PRTN3: variants seen among roughly 807,000 people sequenced by gnomAD.
The protein encoded by PRTN3 is myeloblastin.
A neutral mutation model predicts 20.7 loss-of-function variants in PRTN3; 22 were observed. The observed-to-expected ratio is 1.06, with a 90% CI of 0.76 to 1.52. The LOEUF is 1.52. Among genes scored for constraint, PRTN3 ranks in the 40% most tolerant of loss-of-function variants. The pLI is 0.00. For missense variants in PRTN3, 378 were observed against 359.6 expected (o/e 1.05, Z -0.41); for synonymous variants, 173 against 152.9 (o/e 1.13, Z -0.97).
At chr19:847,762 G>A in intron 4 of PRTN3, 37 bp from the exon 5 acceptor site, 5 of 1,577,300 alleles carry the variant, frequency 3.2e-6, no homozygotes, top group Non-Finnish European at 4.3e-6. Flanking sequence ...AGACTCAGGT[G>A]GCCCCTGATG....
intron 4 of PRTN3, among the ~76,000 whole-genome samples, chr19:846,769 G>T (rs910112557): frequency 6.6e-6 from 1 of 151,954 alleles, no homozygotes; most frequent in African/African-American, 2.4e-5. Context: ...TTGAGACGGA[G>T]TGTCGCTCTG....
intron 1 of PRTN3, among the ~76,000 whole-genome samples, chr19:842,182 C>T (rs1394714696): frequency 7.2e-5 from 11 of 151,764 alleles, no homozygotes; most frequent in Non-Finnish European, 1.3e-4. Context: ...CACACCACCA[C>T]ACCTGGCTAG....
At position 846,336 on chromosome 19, in the gene PRTN3, A is replaced by C; in HGVS notation, c.559A>C (p.Ile187Leu). The part of the protein sequence containing the change: ...VVTFFCRPHN[I>L]CTFVPRRKAG... ...CACCTTCTTCTGCCGGCCACATAACATTTGCACTTTCGTCCCTCGCCGCAA... is the reference window on the plus strand; with the variant it reads ...CACCTTCTTCTGCCGGCCACATAACCTTTGCACTTTCGTCCCTCGCCGCAA... The change falls in exon 4 of 5, where the codon ATT (isoleucine) becomes CTT (leucine). Residue 187 changes from isoleucine (I) to leucine (L), a missense_variant. By Grantham distance (5) the Ile-to-Leu change is conservative. Coordinates refer to ENST00000234347, the MANE Select transcript of PRTN3 (RefSeq NM_002777.4). 6.3e-7 allele frequency: 1 copy of C among 1,585,384 alleles called. No homozygotes were observed. Among genetic ancestry groups the C allele is most frequent in the Non-Finnish European group, 8.6e-7 (1 of 1,166,554 alleles).
intron 4 of PRTN3, among the ~76,000 whole-genome samples, chr19:846,765 C>A (rs1004814983): frequency 1.4e-5 from 2 of 145,584 alleles, no homozygotes; most frequent in Admixed American, 6.8e-5. Context: ...GTTTTTGAGA[C>A]GGAGTGTCGC....
rs969644845 is a variant in PRTN3 at position 843,195 on chromosome 19, C to T, written c.62-266C>T. The T allele has an allele frequency of 2.4e-5, 12 of 497,338 alleles. No individual in the cohort carries two copies. In the Admixed American group the frequency reaches 3.7e-4, roughly 15 times the overall value. 30.8% of individuals were successfully genotyped at this position (497,338 alleles called of 1,614,324 possible). A position where few individuals can be genotyped will look rare whatever the true frequency, so the allele number is the denominator to read the frequency against. On this transcript the variant is annotated intron_variant, in intron 1 of 4. Transcript: ENST00000234347. ...CCTCCCAAAGTGTTGGGATTACAGG[C>T]GTGAGCCACTGCACCCAGCCACCTG...
At chr19:845,923 T>C (rs2035509672) in intron 3 of PRTN3, among the ~76,000 whole-genome samples, 1 of 151,696 alleles carries the variant, frequency 6.6e-6, no homozygotes, top group South Asian at 2.1e-4. Flanking sequence ...CATTCCAGCC[T>C]GGGTGGCAGA....
At chr19:841,794 C>G (rs1349649407) in intron 1 of PRTN3, among the ~76,000 whole-genome samples, 1 of 134,324 alleles carries the variant, frequency 7.4e-6, no homozygotes. Context: ...GTGGCGCGAT[C>G]TCGGCTCACT....
rs113284122 is a variant in PRTN3, at chr19:846,169, G to A, written c.392G>A (p.Ser131Asn). Residue 131 changes from serine (S) to asparagine (N), a missense_variant, in exon 4 of 5, where the codon AGT becomes AAT. Transcript: ENST00000234347. ...LIQLSSPANLSASVATVQLPQ... is the reference protein window; with the variant it reads ...LIQLSSPANLNASVATVQLPQ... ...CAGCTGAGCAGCCCAGCCAACCTCA[G>A]TGCCTCCGTCGCCACAGTCCAGCTG... 5.9e-4 allele frequency: 871 copies of A among 1,479,614 alleles called. 1 individual carries two copies. The highest frequency in any genetic ancestry group is 1.2e-3 in the Middle Eastern group (7 of 5,746). 91.7% of individuals were successfully genotyped at this position (1,479,614 alleles called of 1,614,324 possible).
chr19:844,249 C>T lies in PRTN3; in HGVS notation c.369+215C>T, dbSNP rs868751227. 1.4e-3 allele frequency among the ~76,000 whole-genome samples: 153 copies of T among 107,932 alleles called. 1 individual carries two copies. The highest frequency in any genetic ancestry group is 5.7e-3 in the South Asian group (15 of 2,646). The allele number at this position is 107,932 out of a possible 152,430, so 70.8% of individuals were successfully genotyped here. ...CTCTCCCCCGCCCGCGCCTCTCCCC[C>T]GCCCGCGCCTCTCCCCTGCGCGCCT... On this transcript the variant is annotated intron_variant, in intron 3 of 4. Coordinates refer to ENST00000234347, the MANE Select transcript of PRTN3 (RefSeq NM_002777.4).
chr19:842,012 C>A (rs2035450716), intron 1 of PRTN3, among the ~76,000 whole-genome samples: 1 of 143,594 alleles, frequency 7.0e-6, no homozygotes, highest in Non-Finnish European at 1.5e-5. Flanking sequence ...CAGGCGTGAG[C>A]CACCGCGCCT....
At chr19:845,714 CAA>C (rs35429597) in intron 3 of PRTN3, among the ~76,000 whole-genome samples, 100 of 126,974 alleles carry the variant, frequency 7.9e-4, no homozygotes, top group Non-Finnish European at 8.5e-4. Context: ...AACTCCATCT[CAA>C]AAAAAAAAAA....
chr19:846,521 C>T (rs1006510343), intron 4 of PRTN3, 144 bp downstream of exon 4: 9 of 869,916 alleles, frequency 1.0e-5, no homozygotes, highest in Non-Finnish European at 1.6e-5. Context: ...ACCCAACACC[C>T]AACGGGCAGG....
rs781026831 is a variant in PRTN3, at chr19:846,370, T to A, written c.593T>A (p.Ile198Asn). The A allele has an allele frequency of 6.4e-7, 1 of 1,553,776 alleles. No homozygotes were observed. The highest frequency in any genetic ancestry group is 2.0e-5 in the Admixed American group (1 of 50,836). Residue 198 changes from isoleucine to asparagine, a missense_variant, in exon 4 of 5, where the codon ATC becomes AAC. By Grantham distance (149) the Ile-to-Asn change is moderately radical. Coordinates refer to ENST00000234347, the MANE Select transcript of PRTN3 (RefSeq NM_002777.4). ...CTFVPRRKAG[I>N]CFGDSGGPLI... ...TTCGTCCCTCGCCGCAAGGCCGGCA[T>A]CTGCTTCGTAAGTAACCGTGCCCCC... is the stretch of plus-strand genomic sequence containing the variant.
intron 1 of PRTN3, 42 bp downstream of exon 1, chr19:841,111 G>A (rs199540911): frequency 1.8e-4 from 284 of 1,590,716 alleles, no homozygotes; most frequent in Non-Finnish European, 2.2e-4. Context: ...TCCAGGCCCC[G>A]GTGGATTGTG....
At chr19:843,287 C>T in intron 1 of PRTN3, 174 bp from the exon 2 acceptor site, 1 of 633,594 alleles carries the variant, frequency 1.6e-6, no homozygotes, top group Non-Finnish European at 2.6e-6. Flanking sequence ...CTTTGGAAAT[C>T]GTCGTAATTA....
chr19:841,306 C>T (rs1384756341), intron 1 of PRTN3, among the ~76,000 whole-genome samples: 2 of 152,234 alleles, frequency 1.3e-5, no homozygotes, highest in Non-Finnish European at 2.9e-5. Context: ...CAAAACCCAG[C>T]CCTTCCCTCC....
intron 1 of PRTN3, 53 bp downstream of exon 1, chr19:841,122 G>T: frequency 6.3e-7 from 1 of 1,580,528 alleles, no homozygotes. Flanking sequence ...GTGGATTGTG[G>T]GGAAATATCC....
chr19:848,002 G>T lies in PRTN3; in HGVS notation c.*33G>T. On this transcript the variant is annotated 3_prime_UTR_variant, in exon 5 of 5. Transcript: ENST00000234347. Reference sequence around the variant, plus strand: ...CTCCCACAGCGCTGGCCGGGACCCCGAGCCTGGCTCCAAACCCTCGAGGCG... The same window carrying T: ...CTCCCACAGCGCTGGCCGGGACCCCTAGCCTGGCTCCAAACCCTCGAGGCG... The T allele has an allele frequency of 1.3e-6, 2 of 1,571,132 alleles. No individual in the cohort carries two copies. The highest frequency in any genetic ancestry group is 1.8e-5 in the Admixed American group (1 of 55,404).
At position 844,140 on chromosome 19, in the gene PRTN3, C is replaced by T. The variant is rs1460704548; in HGVS notation, c.369+106C>T. The T allele has an allele frequency of 3.6e-6, 5 of 1,397,684 alleles. No homozygotes were observed. The South Asian group carries it at 5.6e-5, about 16-fold the overall frequency. The allele number at this position is 1,397,684 out of a possible 1,614,324, so 86.6% of individuals were successfully genotyped here. A position where few individuals can be genotyped will look rare whatever the true frequency, so the allele number is the denominator to read the frequency against. On this transcript the variant is annotated intron_variant, in intron 3 of 4. Transcript: ENST00000234347. The stretch of plus-strand genomic sequence containing the variant: ...TGAGCACCCACTGTATACCGGGCCA[C>T]GACCGAGGCCGCTGCAGCCTGGGTC...
Sources: allele counts gnomAD v4.1 joint callset (sites outside exome capture counted in the v4.1 genomes callset), GRCh38; gene constraint gnomAD v4.1.1; transcripts MANE v1.5; gene names NCBI Gene and HGNC (gene_info 2026-07-23, HGNC 2026-07-21).